Variants in FRMPD4 observed in about 807,000 individuals in gnomAD.
FRMPD4 encodes the protein FERM and PDZ domain-containing protein 4.
A neutral mutation model predicts 94.1 loss-of-function variants in FRMPD4; 22 were observed. The observed-to-expected ratio is 0.23, with a 90% CI of 0.17 to 0.33. The LOEUF (loss-of-function observed/expected upper bound fraction) is 0.33, where lower values mean the gene tolerates loss of function less well. Among genes scored for constraint, FRMPD4 ranks in the 10% least tolerant of loss-of-function variants. FRMPD4 has a pLI of 1.00. For synonymous variants in FRMPD4, 631 were observed against 548.6 expected, an observed-to-expected ratio of 1.15 and a Z score of -2.10; for missense variants, 1,111 against 1,339.9, an observed-to-expected ratio of 0.83 and a Z score of 2.67.
chrX:12,121,809 G>A (rs1376638888), intron 3 of FRMPD4, among the ~76,000 whole-genome samples: 1 of 111,708 alleles, frequency 9.0e-6, no homozygotes, highest in Non-Finnish European at 1.9e-5. Context: ...GAGATCCATG[G>A]CATCTTAGGC....
At chrX:12,709,565 G>A (rs1166193199) in intron 13 of FRMPD4, among the ~76,000 whole-genome samples, 3 of 110,956 alleles carry the variant, frequency 2.7e-5, no homozygotes, top group Non-Finnish European at 5.7e-5. Context: ...ATTTCATCTA[G>A]AAGCAACTTT....
chrX:12,480,193 G>C (rs1038824662), intron 1 of FRMPD4, among the ~76,000 whole-genome samples: 1 of 110,509 alleles, frequency 9.0e-6, no homozygotes, highest in South Asian at 4.0e-4. Flanking sequence ...CAAAATCCCA[G>C]AATCAGAGGA....
At chrX:12,450,304 C>T (rs1055836130) in intron 1 of FRMPD4, among the ~76,000 whole-genome samples, 7 of 110,642 alleles carry the variant, frequency 6.3e-5, no homozygotes, top group Non-Finnish European at 9.5e-5. Context: ...GTTTATCTGT[C>T]CTATTAAAAA....
chrX:12,514,985 A>T (rs1351279977), intron 2 of FRMPD4, among the ~76,000 whole-genome samples: 3 of 110,685 alleles, frequency 2.7e-5, no homozygotes, highest in Non-Finnish European at 5.7e-5. Context: ...TTTCTTCTAG[A>T]TTTTCTAGTT....
Position 12,581,483 on chromosome X carries a change from T to C in FRMPD4, c.159-28238T>C, listed in dbSNP as rs187839718. The stretch of plus-strand genomic sequence containing the variant: ...AAAGTAAGTATAACATGATTAAGAT[T>C]CATATAACAATATATACTAGTGCTT... On this transcript the variant is annotated intron_variant, in intron 2 of 16. Coordinates refer to ENST00000675598, the MANE Select transcript of FRMPD4 (RefSeq NM_001368397.1). Among the ~76,000 whole-genome samples, 283 of 112,300 alleles carry C rather than the reference T, an allele frequency of 2.5e-3. 1 individual carries two copies. The highest frequency in any genetic ancestry group is 9.0e-3 in the African/African-American group (278 of 30,956).
chrX:12,543,715 G>C (rs1250414027), intron 2 of FRMPD4, among the ~76,000 whole-genome samples: 5 of 111,310 alleles, frequency 4.5e-5, no homozygotes, highest in African/African-American at 9.8e-5. Flanking sequence ...AATACCATTT[G>C]ACCCAGCCAT....
intron 2 of FRMPD4, among the ~76,000 whole-genome samples, chrX:12,517,554 C>G (rs961009604): frequency 1.8e-5 from 2 of 112,695 alleles, no homozygotes; most frequent in African/African-American, 6.4e-5. Flanking sequence ...AGCTGCAGAA[C>G]AGCAAAGATG....
intron 3 of FRMPD4, among the ~76,000 whole-genome samples, chrX:11,933,920 C>G (rs768814346): frequency 1.8e-5 from 2 of 112,136 alleles, no homozygotes; most frequent in Admixed American, 1.9e-4. Flanking sequence ...TCTTTTTAAA[C>G]TGAACTCTTC....
intron 5 of FRMPD4, among the ~76,000 whole-genome samples, chrX:12,679,202 C>T (rs936797589): frequency 1.8e-5 from 2 of 112,502 alleles, no homozygotes. Context: ...GCCACAAGTG[C>T]TGAGGAATTA....
chrX:12,275,040 G>A (rs2054415021), intron 1 of FRMPD4, among the ~76,000 whole-genome samples: 2 of 111,981 alleles, frequency 1.8e-5, no homozygotes, highest in Admixed American at 1.9e-4. Context: ...AGAAATAACT[G>A]TAGCCCCAGA....
At chrX:12,085,514 G>A (rs948911443) in intron 3 of FRMPD4, among the ~76,000 whole-genome samples, 21 of 111,022 alleles carry the variant, frequency 1.9e-4, no homozygotes, top group Non-Finnish European at 3.8e-4. Context: ...CTCCAGCCTG[G>A]TCAACAGAGC....
chrX:12,094,552 C>T (rs1259776537), intron 3 of FRMPD4, among the ~76,000 whole-genome samples: 2 of 112,114 alleles, frequency 1.8e-5, no homozygotes, highest in African/African-American at 3.2e-5. Context: ...CAACTATGGC[C>T]GTGTCCAGCT....
chrX:12,661,018 C>T (rs751709143), intron 4 of FRMPD4, among the ~76,000 whole-genome samples: 10 of 112,130 alleles, frequency 8.9e-5, no homozygotes, highest in South Asian at 7.4e-4. Flanking sequence ...ACATGGTATC[C>T]GGCTTTCCTC....
intron 3 of FRMPD4, among the ~76,000 whole-genome samples, chrX:12,087,852 C>T (rs1360533807): frequency 8.9e-6 from 1 of 111,929 alleles, no homozygotes; most frequent in African/African-American, 3.3e-5. Flanking sequence ...ACAATTGGCC[C>T]CAAAGAAAAT....
At position 12,388,824 on chromosome X, in the gene FRMPD4, T is replaced by G. The variant is rs1376239340; in HGVS notation, c.42-109856T>G. On this transcript the variant is annotated intron_variant, in intron 1 of 16. Coordinates refer to ENST00000675598, the MANE Select transcript of FRMPD4 (RefSeq NM_001368397.1). ...GAATGGATAAAGAAAATGTGATATA[T>G]ATATATATATATATATATATATATA... is the stretch of plus-strand genomic sequence containing the variant. Among the ~76,000 whole-genome samples the G allele has an allele frequency of 6.5e-3, 468 of 72,429 alleles. 1 individual carries two copies. The highest frequency in any genetic ancestry group is 0.032 in the Middle Eastern group (5 of 157). 62.9% of individuals were successfully genotyped at this position (72,429 alleles called of 115,157 possible). A position where few individuals can be genotyped will look rare whatever the true frequency, so the allele number is the denominator to read the frequency against.
At chrX:11,932,634 G>A (rs1335425893) in intron 3 of FRMPD4, among the ~76,000 whole-genome samples, 2 of 109,134 alleles carry the variant, frequency 1.8e-5, no homozygotes, top group Admixed American at 9.9e-5. Flanking sequence ...AGCAAGTACT[G>A]TTCTACTGTT....
At position 12,177,167 on chromosome X, in the gene FRMPD4, C is replaced by T. The variant is rs778048363; in HGVS notation, c.41+38155C>T. On this transcript the variant is annotated intron_variant, in intron 1 of 16. Transcript: ENST00000675598. Reference sequence around the variant, plus strand: ...TGGAACTTAAAACCAATTATTCATTCTAAAATATTAATTTTGTGTGGGATC... The same window carrying T: ...TGGAACTTAAAACCAATTATTCATTTTAAAATATTAATTTTGTGTGGGATC... 5.4e-5 allele frequency among the ~76,000 whole-genome samples: 6 copies of T among 111,936 alleles called. No homozygotes were observed. In the South Asian group the frequency reaches 1.9e-3, roughly 35 times the overall value.
At position 12,512,466 on chromosome X, in the gene FRMPD4, T is replaced by C. The variant is rs183452569; in HGVS notation, c.158+13670T>C. 5.3e-5 allele frequency among the ~76,000 whole-genome samples: 6 copies of C among 112,493 alleles called. No homozygotes were observed. The East Asian group carries it at 1.7e-3, about 31-fold the overall frequency. ...CAGCTCCTGCTGGTAAGTGAGAACA[T>C]GTGGTGTTTGGTTTTCTGTTCCTGC... On this transcript the variant is annotated intron_variant, in intron 2 of 16. Coordinates refer to ENST00000675598, the MANE Select transcript of FRMPD4 (RefSeq NM_001368397.1).
intron 1 of FRMPD4, among the ~76,000 whole-genome samples, chrX:12,479,387 T>C (rs1245331383): frequency 6.8e-5 from 7 of 103,142 alleles, no homozygotes; most frequent in African/African-American, 2.4e-4. Flanking sequence ...TATACACATA[T>C]ATATATACAT....
Sources: allele counts gnomAD v4.1 joint callset (sites outside exome capture counted in the v4.1 genomes callset), GRCh38; gene constraint gnomAD v4.1.1; transcripts MANE v1.5; gene names NCBI Gene and HGNC (gene_info 2026-07-23, HGNC 2026-07-21).